The following UBE2U variants were observed in gnomAD, a reference collection of about 807,000 sequenced individuals.
The protein encoded by UBE2U is ubiquitin-conjugating enzyme E2 U.
UBE2U carries 39 observed loss-of-function variants against 41.2 expected under a neutral mutation model. The observed-to-expected ratio is 0.95, with a 90% confidence interval of 0.73 to 1.24. The LOEUF (loss-of-function observed/expected upper bound fraction) is 1.24. Ranked by LOEUF, UBE2U falls within the 50% of genes most tolerant of loss-of-function variation. UBE2U has a pLI of 0.00. For missense variants in UBE2U, 336 were observed against 363.1 expected, an observed-to-expected ratio of 0.93 and a Z score of 0.61; for synonymous variants, 107 against 117.8, an observed-to-expected ratio of 0.91 and a Z score of 0.60.
rs549840521 is a variant in UBE2U at position 64,204,122 on chromosome 1, T to C, written c.66+6T>C. On this transcript the variant is annotated splice_donor_region_variant and intron_variant, in intron 1 of 9. Coordinates refer to ENST00000371077, the MANE Select transcript of UBE2U (RefSeq NM_001366232.2). The stretch of plus-strand genomic sequence containing the variant: ...TCAAGGAGAACAATTATAAGGTAAG[T>C]ACTGGGCACGTGGAGAGATGTGTTT... 57 of 1,611,648 alleles carry C rather than the reference T, an allele frequency of 3.5e-5. No individual in the cohort carries two copies. Among genetic ancestry groups the C allele is most frequent in the Middle Eastern group, 1.7e-4 (1 of 6,058 alleles).
intron 8 of UBE2U, among the ~76,000 whole-genome samples, chr1:64,252,758 G>A (rs1367458434): frequency 1.3e-5 from 2 of 152,158 alleles, no homozygotes; most frequent in South Asian, 2.1e-4. Context: ...TCATTCAAAG[G>A]TCAGCAACCT....
chr1:64,241,175 C>A (rs1472148769), intron 7 of UBE2U, among the ~76,000 whole-genome samples: 1 of 152,208 alleles, frequency 6.6e-6, no homozygotes, highest in African/African-American at 2.4e-5. Flanking sequence ...ACTTCCTTAT[C>A]ATGCCACTTC....
chr1:64,214,711 A>G (rs1265877041), intron 4 of UBE2U, 104 bp from the exon 5 acceptor site: 5 of 787,662 alleles, frequency 6.3e-6, no homozygotes, highest in Non-Finnish European at 1.1e-5. Context: ...CATACATAGT[A>G]AGCATTTAAT....
intron 7 of UBE2U, among the ~76,000 whole-genome samples, chr1:64,237,963 C>T (rs1402043015): frequency 6.6e-6 from 1 of 152,104 alleles, no homozygotes; most frequent in African/African-American, 2.4e-5. Flanking sequence ...AAATAGCATT[C>T]GTGAGAGATT....
chr1:64,206,859 A>C lies in UBE2U; in HGVS notation c.241+3A>C, dbSNP rs900120563. The stretch of plus-strand genomic sequence containing the variant: ...AACAATTCCGTTTCATCCAAATGGT[A>C]AGAACTAAATGACATTTTTATCATT... On this transcript the variant is annotated splice_donor_region_variant and intron_variant, in intron 3 of 9. Coordinates refer to ENST00000371077, the MANE Select transcript of UBE2U (RefSeq NM_001366232.2). 1.3e-6 allele frequency: 2 copies of C among 1,544,568 alleles called. No homozygotes were observed. Among genetic ancestry groups the C allele is most frequent in the African/African-American group, 2.7e-5 (2 of 72,998 alleles).
Position 64,239,133 on chromosome 1 carries a change from A to G in UBE2U, c.596-2519A>G, listed in dbSNP as rs865828672. On this transcript the variant is annotated intron_variant, in intron 7 of 9. Transcript: ENST00000371077. ...GAAGAAGAAGAAGAAGAAGAAGAAG[A>G]AGAAGAAGAAGAAGAAGAAGAAGAA... Among the ~76,000 whole-genome samples, 182 of 24,892 alleles carry G rather than the reference A, an allele frequency of 7.3e-3. 3 individuals are homozygous for G. Among genetic ancestry groups the G allele is most frequent in the African/African-American group, 0.034 (173 of 5,098 alleles). The allele number at this position is 24,892 out of a possible 152,430, so 16.3% of individuals were successfully genotyped here.
At chr1:64,263,715 G>C (rs922915832) in intron 9 of UBE2U, among the ~76,000 whole-genome samples, 7 of 152,216 alleles carry the variant, frequency 4.6e-5, no homozygotes, top group African/African-American at 1.7e-4. Flanking sequence ...TAGTTTGCCA[G>C]TGGGAGAAAC....
At chr1:64,220,727 C>A in intron 5 of UBE2U, 132 bp from the exon 6 acceptor site, 1 of 711,470 alleles carries the variant, frequency 1.4e-6, no homozygotes, top group Non-Finnish European at 2.3e-6. Flanking sequence ...CTTTCTTTTG[C>A]TCTCCTTGAG....
chr1:64,266,423 T>G (rs1027438945), intron 9 of UBE2U, among the ~76,000 whole-genome samples: 1 of 152,212 alleles, frequency 6.6e-6, no homozygotes, highest in African/African-American at 2.4e-5. Flanking sequence ...TATAGGTTGC[T>G]CAGCCTCAGT....
chr1:64,228,153 G>A (rs1481274978), intron 6 of UBE2U, among the ~76,000 whole-genome samples: 1 of 152,128 alleles, frequency 6.6e-6, no homozygotes, highest in East Asian at 1.9e-4. Flanking sequence ...GATACCCCTA[G>A]ATATTAAGAT....
chr1:64,213,706 C>T (rs1418390296), intron 4 of UBE2U, among the ~76,000 whole-genome samples: 2 of 152,062 alleles, frequency 1.3e-5, no homozygotes, highest in Non-Finnish European at 2.9e-5. Flanking sequence ...TACATTATTG[C>T]TATTATGGTA....
intron 3 of UBE2U, among the ~76,000 whole-genome samples, chr1:64,207,782 C>T (rs1289045606): frequency 6.6e-6 from 1 of 152,106 alleles, no homozygotes; most frequent in African/African-American, 2.4e-5. Flanking sequence ...AACCCAGTAA[C>T]TGTATGGAAA....
chr1:64,262,326 C>T (rs1411035079), intron 9 of UBE2U, among the ~76,000 whole-genome samples: 2 of 152,186 alleles, frequency 1.3e-5, no homozygotes, highest in Non-Finnish European at 2.9e-5. Context: ...TAAAACAACA[C>T]ACATTTATTA....
intron 8 of UBE2U, among the ~76,000 whole-genome samples, chr1:64,243,613 C>G (rs1163277135): frequency 3.9e-5 from 6 of 152,096 alleles, no homozygotes; most frequent in Non-Finnish European, 7.4e-5. Context: ...AATTGAGAAC[C>G]CTGTATTTGC....
chr1:64,257,068 C>T (rs1270432207), intron 8 of UBE2U, among the ~76,000 whole-genome samples: 1 of 152,100 alleles, frequency 6.6e-6, no homozygotes, highest in Non-Finnish European at 1.5e-5. Flanking sequence ...AAAACCACAG[C>T]TCATGCCAGT....
intron 8 of UBE2U, among the ~76,000 whole-genome samples, chr1:64,253,356 G>T (rs1645041130): frequency 1.3e-5 from 2 of 151,672 alleles, no homozygotes; most frequent in Admixed American, 1.3e-4. Context: ...ATATCATCCA[G>T]GAGAATTTCC....
intron 8 of UBE2U, chr1:64,244,162 G>T (rs779700606): frequency 1.9e-6 from 3 of 1,608,344 alleles, no homozygotes; most frequent in South Asian, 2.2e-5. Context: ...CAGCATAGGG[G>T]AAGAGCATGA....
Position 64,267,059 on chromosome 1 carries a change from A to G in UBE2U, c.805A>G (p.Ser269Gly), listed in dbSNP as rs1256518141. 1 of 1,549,770 alleles carries G rather than the reference A, an allele frequency of 6.5e-7. No individual in the cohort carries two copies. ...IFLESPTAIN[S>G]ITDIYETEEE... The stretch of plus-strand genomic sequence containing the variant: ...TCTTGAGTCACCAACTGCAATAAAT[A>G]GCATCACAGACATTTATGAAACAGA... Residue 269 changes from serine to glycine, a missense_variant, in exon 10 of 10, where the codon AGC becomes GGC. By Grantham distance (56) the Ser-to-Gly change is moderately conservative. Coordinates refer to ENST00000371077, the MANE Select transcript of UBE2U (RefSeq NM_001366232.2).
intron 8 of UBE2U, among the ~76,000 whole-genome samples, chr1:64,251,285 A>T (rs886419878): frequency 1.3e-5 from 2 of 151,858 alleles, no homozygotes; most frequent in African/African-American, 2.4e-5. Flanking sequence ...AGGATTAATT[A>T]TGATAAATAA....
Sources: allele counts gnomAD v4.1 joint callset (sites outside exome capture counted in the v4.1 genomes callset), GRCh38; gene constraint gnomAD v4.1.1; transcripts MANE v1.5; gene names NCBI Gene and HGNC (gene_info 2026-07-23, HGNC 2026-07-21).